The following CADM2 variants were observed in gnomAD, a reference collection of about 807,000 sequenced individuals.
CADM2 encodes the protein cell adhesion molecule 2.
Under a neutral mutation model 49.8 loss-of-function variants are expected in CADM2, and 12 were observed. The ratio of observed to expected loss-of-function variants is 0.24; its 90% CI spans 0.15 to 0.39. The LOEUF (loss-of-function observed/expected upper bound fraction) is 0.39, where lower values mean the gene tolerates loss of function less well. Among genes scored for constraint, CADM2 ranks in the 10% least tolerant of loss-of-function variants. CADM2 has a pLI of 1.00. For synonymous variants in CADM2, 214 were observed against 175.4 expected, an observed-to-expected ratio of 1.22 and a Z score of -1.74; for missense variants, 378 against 492.3, an observed-to-expected ratio of 0.77 and a Z score of 2.20.
At chr3:85,976,805 C>A (rs1005885946) in intron 8 of CADM2, among the ~76,000 whole-genome samples, 5 of 151,368 alleles carry the variant, frequency 3.3e-5, no homozygotes, top group Non-Finnish European at 5.9e-5. Context: ...AAAAAAGAAC[C>A]AGGCTATGTG....
intron 1 of CADM2, among the ~76,000 whole-genome samples, chr3:85,698,227 G>T (rs960658493): frequency 3.3e-5 from 5 of 152,162 alleles, no homozygotes; most frequent in African/African-American, 1.2e-4. Flanking sequence ...TGTCAGAGGG[G>T]CTGGTCCAAG....
chr3:85,284,692 G>GGAAAT (rs1311756465), intron 1 of CADM2, among the ~76,000 whole-genome samples: 3 of 152,090 alleles, frequency 2.0e-5, no homozygotes. Context: ...GTGATCAAGT[G>GGAAAT]AGTGATATAT....
intron 1 of CADM2, among the ~76,000 whole-genome samples, chr3:85,268,734 G>T (rs1367312946): frequency 1.3e-5 from 2 of 151,244 alleles, no homozygotes; most frequent in Non-Finnish European, 3.0e-5. Flanking sequence ...ATGACTTCAA[G>T]CCTGGTGATT....
intron 1 of CADM2, among the ~76,000 whole-genome samples, chr3:85,119,267 G>A (rs1161383112): frequency 6.6e-6 from 1 of 152,074 alleles, no homozygotes; most frequent in East Asian, 1.9e-4. Context: ...TCCGGGCATT[G>A]TGACATACAT....
chr3:85,673,497 A>G (rs1219855284), intron 1 of CADM2, among the ~76,000 whole-genome samples: 1 of 151,602 alleles, frequency 6.6e-6, no homozygotes, highest in Non-Finnish European at 1.5e-5. Flanking sequence ...GCTATTAAAA[A>G]AAAAAAAAAC....
intron 8 of CADM2, among the ~76,000 whole-genome samples, chr3:86,016,829 T>C (rs1214251603): frequency 6.6e-6 from 1 of 152,172 alleles, no homozygotes; most frequent in East Asian, 1.9e-4. Flanking sequence ...AAGTGTTCTT[T>C]TTTATAACAA....
At chr3:85,929,163 A>G (rs1189659798) in intron 6 of CADM2, among the ~76,000 whole-genome samples, 1 of 152,106 alleles carries the variant, frequency 6.6e-6, no homozygotes, top group Non-Finnish European at 1.5e-5. Flanking sequence ...CACATCTCCA[A>G]TGTATTGAAC....
chr3:85,552,652 T>C (rs527271707), intron 1 of CADM2, among the ~76,000 whole-genome samples: 3 of 151,782 alleles, frequency 2.0e-5, no homozygotes, highest in African/African-American at 7.3e-5. Flanking sequence ...AGTGTTGGGA[T>C]TACAGGTGTG....
chr3:85,083,927 C>T (rs2037272817), intron 1 of CADM2, among the ~76,000 whole-genome samples: 1 of 152,090 alleles, frequency 6.6e-6, no homozygotes, highest in South Asian at 2.1e-4. Flanking sequence ...AAAAATAAGC[C>T]TATAATGATC....
chr3:85,160,962 CTG>C (rs2040304061), intron 1 of CADM2, among the ~76,000 whole-genome samples: 1 of 152,096 alleles, frequency 6.6e-6, no homozygotes, highest in Non-Finnish European at 1.5e-5. Flanking sequence ...TGGACTCAGA[CTG>C]TGTCAGAGGC....
chr3:86,069,289 T>C lies in CADM2; in HGVS notation c.*2506T>C, dbSNP rs1055130474. ...TGACTCTTTTAACCCTTCAGAGTAA[T>C]ATAAAATCTCATTAGAACTCTTATA... is the stretch of plus-strand genomic sequence containing the variant. On this transcript the variant is annotated 3_prime_UTR_variant, in exon 10 of 10. Transcript: ENST00000383699. The C allele has an allele frequency of 6.6e-6, 1 of 151,952 alleles. No individual in the cohort carries two copies. Among genetic ancestry groups the C allele is most frequent in the Non-Finnish European group, 1.5e-5 (1 of 67,872 alleles). The allele number at this position is 151,952 out of a possible 1,614,324, so 9.4% of individuals were successfully genotyped here. A position where few individuals can be genotyped will look rare whatever the true frequency, so the allele number is the denominator to read the frequency against.
intron 1 of CADM2, among the ~76,000 whole-genome samples, chr3:85,612,826 T>C (rs2063713005): frequency 6.6e-6 from 1 of 151,800 alleles, no homozygotes; most frequent in South Asian, 2.1e-4. Context: ...ATTACCATGA[T>C]AGTTAAATCA....
chr3:85,627,712 G>GACAAA, intron 1 of CADM2, among the ~76,000 whole-genome samples: 1 of 151,930 alleles, frequency 6.6e-6, no homozygotes, highest in East Asian at 1.9e-4. Context: ...AAAATCCAAT[G>GACAAA]ACAAAACAAA....
intron 1 of CADM2, among the ~76,000 whole-genome samples, chr3:85,677,027 T>C (rs2065904724): frequency 6.6e-6 from 1 of 152,160 alleles, no homozygotes; most frequent in African/African-American, 2.4e-5. Context: ...GTGGGAACTC[T>C]CATTGCTCAG....
intron 1 of CADM2, among the ~76,000 whole-genome samples, chr3:85,605,299 A>G (rs2063513853): frequency 6.6e-6 from 1 of 152,104 alleles, no homozygotes; most frequent in African/African-American, 2.4e-5. Context: ...CCAGTAACAC[A>G]TATTCATGTT....
At chr3:85,626,939 C>G (rs2064147243) in intron 1 of CADM2, among the ~76,000 whole-genome samples, 1 of 151,972 alleles carries the variant, frequency 6.6e-6, no homozygotes, top group Non-Finnish European at 1.5e-5. Context: ...GGCTCTGGTC[C>G]TTCAAATAGT....
At chr3:85,232,729 C>T (rs2107816563) in intron 1 of CADM2, among the ~76,000 whole-genome samples, 1 of 152,296 alleles carries the variant, frequency 6.6e-6, no homozygotes, top group South Asian at 2.1e-4. Context: ...CTCCTACACA[C>T]TTCTCAGAAT....
intron 1 of CADM2, among the ~76,000 whole-genome samples, chr3:85,448,494 G>A (rs1444542369): frequency 3.3e-5 from 5 of 152,008 alleles, no homozygotes; most frequent in African/African-American, 1.2e-4. Flanking sequence ...TAATTGAAAA[G>A]TTAAAAAGTT....
At chr3:85,683,217 T>A (rs1378326745) in intron 1 of CADM2, among the ~76,000 whole-genome samples, 4 of 142,792 alleles carry the variant, frequency 2.8e-5, no homozygotes, top group Non-Finnish European at 6.4e-5. Context: ...TGCTCTCTCT[T>A]GAAGGAAAAA....
Sources: gnomAD v4.1 joint callset for allele counts (sites outside exome capture counted in the v4.1 genomes callset) on GRCh38, gnomAD v4.1.1 for gene constraint, MANE v1.5 for transcripts, NCBI Gene and HGNC (gene_info 2026-07-23, HGNC 2026-07-21) for gene names.